The following NMNAT2 variants were observed in gnomAD, a reference collection of about 807,000 sequenced individuals.
NMNAT2 encodes the protein nicotinamide nucleotide adenylyltransferase 2.
NMNAT2 carries 11 observed loss-of-function variants against 41.6 expected under a neutral mutation model. The ratio of observed to expected loss-of-function variants is 0.26; its 90% CI spans 0.17 to 0.44. The LOEUF (loss-of-function observed/expected upper bound fraction) is 0.44. Among genes scored for constraint, NMNAT2 ranks in the 20% least tolerant of loss-of-function variants. The probability of loss-of-function intolerance (pLI) is 1.00; values close to 1 mark genes in which losing one functional copy is unlikely to be tolerated. For missense variants in NMNAT2, 288 were observed against 407.7 expected, an observed-to-expected ratio of 0.71 and a Z score of 2.53; for synonymous variants, 148 against 151.2, an observed-to-expected ratio of 0.98 and a Z score of 0.16.
Position 183,384,143 on chromosome 1 carries a change from G to A in NMNAT2, c.85+34040C>T, listed in dbSNP as rs191930499. On this transcript the variant is annotated intron_variant, in intron 1 of 10. Transcript: ENST00000287713. ...TGGTGGAAGGTGAAGGGGAAGCAAG[G>A]CACCTCTTATGTGGCCGGAGCAGAA... is the stretch of plus-strand genomic sequence containing the variant. Among the ~76,000 whole-genome samples the A allele has an allele frequency of 5.3e-4, 80 of 151,136 alleles. No homozygotes were observed. The Middle Eastern group carries it at 0.017, about 32-fold the overall frequency.
intron 1 of NMNAT2, among the ~76,000 whole-genome samples, chr1:183,367,452 C>G (rs577302515): frequency 2.3e-4 from 35 of 152,282 alleles, no homozygotes; most frequent in African/African-American, 8.4e-4. Context: ...GCGCAAAACT[C>G]TGTCTCAAGT....
chr1:183,364,655 A>ATTTC (rs369286067), intron 1 of NMNAT2, among the ~76,000 whole-genome samples: 63 of 143,086 alleles, frequency 4.4e-4, no homozygotes, highest in African/African-American at 1.2e-3. Flanking sequence ...GGGGAGGATG[A>ATTTC]TTTCTTTCTT....
chr1:183,342,899 A>AATT (rs36111392), intron 1 of NMNAT2, among the ~76,000 whole-genome samples: 2,283 of 145,822 alleles, frequency 0.016, 32 homozygotes, highest in African/African-American at 0.02. Context: ...ATGACTGGCT[A>AATT]ATTATTATTA....
chr1:183,401,486 C>A (rs1267843221), intron 1 of NMNAT2, among the ~76,000 whole-genome samples: 1 of 152,168 alleles, frequency 6.6e-6, no homozygotes, highest in African/African-American at 2.4e-5. Context: ...ACTAGTTCAA[C>A]CATTGTGGAA....
At chr1:183,373,013 A>C (rs1466633274) in intron 1 of NMNAT2, among the ~76,000 whole-genome samples, 1 of 152,234 alleles carries the variant, frequency 6.6e-6, no homozygotes, top group Non-Finnish European at 1.5e-5. Flanking sequence ...GAGGCCATCA[A>C]GTCCAGGCCC....
chr1:183,412,710 G>A (rs1197126683), intron 1 of NMNAT2, among the ~76,000 whole-genome samples: 1 of 152,210 alleles, frequency 6.6e-6, no homozygotes. Context: ...CAAAACATTT[G>A]GACATAAATA....
intron 1 of NMNAT2, among the ~76,000 whole-genome samples, chr1:183,387,235 C>CT (rs1471374701): frequency 8.5e-6 from 1 of 117,344 alleles, no homozygotes; most frequent in Non-Finnish European, 1.9e-5. Context: ...TGGAAGATCC[C>CT]TGTGTTTTTT....
At chr1:183,311,126 C>T (rs543293536) in intron 1 of NMNAT2, among the ~76,000 whole-genome samples, 2 of 152,188 alleles carry the variant, frequency 1.3e-5, no homozygotes, top group Admixed American at 1.3e-4. Context: ...CTTCACTATC[C>T]ACTCCCTTCC....
In NMNAT2 at chr1:183,341,835, C is replaced by T. The variant is rs954818662; in HGVS notation, c.86-48042G>A. Among the ~76,000 whole-genome samples the T allele has an allele frequency of 6.0e-5, 9 of 149,098 alleles. No homozygotes were observed. In the South Asian group the frequency reaches 8.5e-4, roughly 14 times the overall value. ...AAAGAATGCTCAGAGGAAAAAAGTC[C>T]TTTCAGGAGCACACAGGAAAGTATA... is the stretch of plus-strand genomic sequence containing the variant. On this transcript the variant is annotated intron_variant, in intron 1 of 10. Transcript: ENST00000287713.
intron 1 of NMNAT2, 92 bp from the exon 2 acceptor site, chr1:183,293,885 G>T: frequency 1.2e-6 from 1 of 861,746 alleles, no homozygotes; most frequent in Non-Finnish European, 1.9e-6. Context: ...CTGTAATGCT[G>T]GGGTTTATTT....
chr1:183,402,035 G>T (rs957642492), intron 1 of NMNAT2, among the ~76,000 whole-genome samples: 1 of 151,896 alleles, frequency 6.6e-6, no homozygotes, highest in African/African-American at 2.4e-5. Flanking sequence ...AAACCTGCAC[G>T]TTGTGCACAT....
At chr1:183,265,815 A>C (rs1275364935) in intron 8 of NMNAT2, among the ~76,000 whole-genome samples, 1 of 152,222 alleles carries the variant, frequency 6.6e-6, no homozygotes, top group Non-Finnish European at 1.5e-5. Flanking sequence ...ATATGGCAAA[A>C]GAGACTCTGC....
At chr1:183,296,959 C>T (rs751467741) in intron 1 of NMNAT2, among the ~76,000 whole-genome samples, 1 of 152,032 alleles carries the variant, frequency 6.6e-6, no homozygotes, top group East Asian at 1.9e-4. Context: ...CTTCACACTC[C>T]GCTCCTCTTC....
intron 1 of NMNAT2, among the ~76,000 whole-genome samples, chr1:183,366,055 C>G (rs555460766): frequency 6.6e-6 from 1 of 152,188 alleles, no homozygotes; most frequent in South Asian, 2.1e-4. Context: ...TACCACTACA[C>G]CCTGGGGTAA....
chr1:183,378,169 G>A (rs1391430006), intron 1 of NMNAT2, among the ~76,000 whole-genome samples: 2 of 151,708 alleles, frequency 1.3e-5, no homozygotes, highest in African/African-American at 4.8e-5. Flanking sequence ...AGGTGTGCAG[G>A]TCACCTGAGG....
rs57307094 is a variant in NMNAT2, at chr1:183,408,203, C to T, written c.85+9980G>A. On this transcript the variant is annotated intron_variant, in intron 1 of 10. Transcript: ENST00000287713. ...GTAGGTTATTCCAGGGGTTGGCAAG[C>T]TTTCTGTAAATGTTCAGATAGTAAA... is the stretch of plus-strand genomic sequence containing the variant. Among the ~76,000 whole-genome samples the T allele has an allele frequency of 8.6e-4, 131 of 152,282 alleles. 1 individual carries two copies. In the East Asian group the frequency reaches 0.021, roughly 24 times the overall value.
In NMNAT2 at chr1:183,304,282, T is replaced by G. The variant is rs1387299467; in HGVS notation, c.86-10489A>C. ...GCAGGTAATGAAGAAAAGAGCAATA[T>G]GCCAGAAAGAAAGATGTAAGTAGAA... On this transcript the variant is annotated intron_variant, in intron 1 of 10. Transcript: ENST00000287713. Among the ~76,000 whole-genome samples the G allele has an allele frequency of 3.9e-5, 6 of 152,130 alleles. No homozygotes were observed. In the East Asian group the frequency reaches 1.2e-3, roughly 29 times the overall value.
intron 1 of NMNAT2, among the ~76,000 whole-genome samples, chr1:183,301,474 T>G (rs1571584983): frequency 6.6e-6 from 1 of 152,264 alleles, no homozygotes; most frequent in Non-Finnish European, 1.5e-5. Context: ...AAATGAGGTC[T>G]ATTTTTGTCC....
In NMNAT2 at chr1:183,252,423, C is replaced by A; in HGVS notation, c.*218G>T. On this transcript the variant is annotated 3_prime_UTR_variant, in exon 11 of 11. Transcript: ENST00000287713. The stretch of plus-strand genomic sequence containing the variant: ...CCCCGACTCCCACCCCATTCCCTCA[C>A]CCACCCCCAACCCGGAGACTAGAGG... 1 of 402,596 alleles carries A rather than the reference C, an allele frequency of 2.5e-6. No homozygotes were observed. The highest frequency in any genetic ancestry group is 2.1e-5 in the African/African-American group (1 of 47,766). 24.9% of individuals were successfully genotyped at this position (402,596 alleles called of 1,614,324 possible).
Sources: allele counts gnomAD v4.1 joint callset (sites outside exome capture counted in the v4.1 genomes callset), GRCh38; gene constraint gnomAD v4.1.1; transcripts MANE v1.5; gene names NCBI Gene and HGNC (gene_info 2026-07-23, HGNC 2026-07-21).